Variants in FUT9 observed in about 807,000 individuals in gnomAD.
The protein encoded by FUT9 is 4-galactosyl-N-acetylglucosaminide 3-alpha-L-fucosyltransferase 9.
FUT9 carries 15 observed loss-of-function variants against 29.7 expected under a neutral mutation model. That is an observed-to-expected ratio of 0.51 (90% confidence interval 0.34 to 0.78). The LOEUF is 0.78. FUT9 is among the 30% of genes least tolerant of loss of function. FUT9 has a pLI of 0.01. For synonymous variants in FUT9, 169 were observed against 153.7 expected, an observed-to-expected ratio of 1.10 and a Z score of -0.74; for missense variants, 319 against 425.4, an observed-to-expected ratio of 0.75 and a Z score of 2.20.
intron 1 of FUT9, among the ~76,000 whole-genome samples, chr6:96,080,513 T>C (rs1331492799): frequency 6.6e-6 from 1 of 152,014 alleles, no homozygotes; most frequent in Non-Finnish European, 1.5e-5. Context: ...AAAACTGAAT[T>C]TGAAGTAAGG....
intron 2 of FUT9, among the ~76,000 whole-genome samples, chr6:96,162,529 C>G (rs1772931076): frequency 6.6e-6 from 1 of 152,166 alleles, no homozygotes; most frequent in Non-Finnish European, 1.5e-5. Flanking sequence ...TCTCTAGTAA[C>G]TACTATTCTA....
At chr6:96,122,417 A>T (rs1772046949) in intron 2 of FUT9, among the ~76,000 whole-genome samples, 1 of 152,194 alleles carries the variant, frequency 6.6e-6, no homozygotes, top group Non-Finnish European at 1.5e-5. Flanking sequence ...TTACACAAAC[A>T]TTAAAGCAAT....
rs1309140356 is a variant in FUT9, at chr6:96,203,722, G to A, written c.567G>A (p.Val189=). The A allele has an allele frequency of 1.2e-6, 2 of 1,613,934 alleles. No homozygotes were observed. Among genetic ancestry groups the A allele is most frequent in the Non-Finnish European group, 8.5e-7 (1 of 1,180,022 alleles). Reference sequence around the variant, plus strand: ...AAGTGCCAAGCAAAGAGAAATTGGTGTGCTGGGTTGTGAGTAACTGGAACC... The same window carrying A: ...AAGTGCCAAGCAAAGAGAAATTGGTATGCTGGGTTGTGAGTAACTGGAACC... ...VFEVPSKEKL[V]CWVVSNWNPE... Residue 189 remains valine, a synonymous_variant, in exon 3 of 3, where the codon GTG becomes GTA. Coordinates refer to ENST00000302103, the MANE Select transcript of FUT9 (RefSeq NM_006581.4).
intron 1 of FUT9, among the ~76,000 whole-genome samples, chr6:96,019,711 T>C (rs564902982): frequency 6.6e-6 from 1 of 152,234 alleles, no homozygotes; most frequent in South Asian, 2.1e-4. Flanking sequence ...CTGTGACTGA[T>C]TGTGTAAAAT....
At chr6:96,120,768 T>C (rs1772014213) in intron 2 of FUT9, among the ~76,000 whole-genome samples, 1 of 151,810 alleles carries the variant, frequency 6.6e-6, no homozygotes, top group African/African-American at 2.4e-5. Flanking sequence ...AGAAATCACT[T>C]ATGGGAGATG....
chr6:96,018,108 G>A (rs192461906), intron 1 of FUT9, among the ~76,000 whole-genome samples: 38 of 152,218 alleles, frequency 2.5e-4, no homozygotes, highest in African/African-American at 8.9e-4. Context: ...TGAATAATGA[G>A]TTTATTGTTG....
chr6:96,025,417 A>G (rs1376566777), intron 1 of FUT9, among the ~76,000 whole-genome samples: 1 of 151,788 alleles, frequency 6.6e-6, no homozygotes, highest in Non-Finnish European at 1.5e-5. Context: ...AGTGGCCCAT[A>G]TAATTTGCAA....
chr6:96,113,308 G>A (rs1227492865), intron 1 of FUT9, among the ~76,000 whole-genome samples: 3 of 151,540 alleles, frequency 2.0e-5, no homozygotes, highest in East Asian at 3.9e-4. Context: ...GTGTGATCTC[G>A]GATCATTGCA....
chr6:96,079,710 C>T lies in FUT9; in HGVS notation c.-97-34329C>T, dbSNP rs191714441. 2.0e-5 allele frequency among the ~76,000 whole-genome samples: 3 copies of T among 151,960 alleles called. No homozygotes were observed. In the East Asian group the frequency reaches 5.8e-4, roughly 29 times the overall value. On this transcript the variant is annotated intron_variant, in intron 1 of 2. Coordinates refer to ENST00000302103, the MANE Select transcript of FUT9 (RefSeq NM_006581.4). ...ATGTTTCTAGTGTAAAAAACATCAC[C>T]TCCATCAGAAAAAGCAACATAATCG...
intron 2 of FUT9, among the ~76,000 whole-genome samples, chr6:96,164,351 T>C (rs1009813362): frequency 1.4e-5 from 2 of 143,874 alleles, no homozygotes; most frequent in Non-Finnish European, 3.0e-5. Context: ...CTCCGCCTCC[T>C]GGGTTCACGC....
intron 1 of FUT9, among the ~76,000 whole-genome samples, chr6:96,056,905 C>A (rs562816313): frequency 6.6e-6 from 1 of 152,252 alleles, no homozygotes. Flanking sequence ...AAGGCACATG[C>A]ATTCAGTAGA....
chr6:96,062,803 A>G (rs1201799833), intron 1 of FUT9, among the ~76,000 whole-genome samples: 2 of 152,212 alleles, frequency 1.3e-5, no homozygotes, highest in Non-Finnish European at 2.9e-5. Flanking sequence ...AAAAAAAGAA[A>G]ATCTTAAATT....
chr6:96,110,497 A>C (rs772619739), intron 1 of FUT9, among the ~76,000 whole-genome samples: 1 of 152,146 alleles, frequency 6.6e-6, no homozygotes, highest in Non-Finnish European at 1.5e-5. Flanking sequence ...AAAAACCCTG[A>C]GCATCCCCTC....
At chr6:96,159,840 G>A (rs1317579031) in intron 2 of FUT9, among the ~76,000 whole-genome samples, 1 of 152,158 alleles carries the variant, frequency 6.6e-6, no homozygotes. Context: ...AAACTGTCTT[G>A]ATAAACTGCA....
At chr6:96,092,217 G>A (rs571720587) in intron 1 of FUT9, among the ~76,000 whole-genome samples, 11 of 152,062 alleles carry the variant, frequency 7.2e-5, no homozygotes, top group South Asian at 4.2e-4. Flanking sequence ...CTAAACAGCA[G>A]GTAAAATGAA....
intron 2 of FUT9, among the ~76,000 whole-genome samples, chr6:96,148,610 G>A (rs1269539870): frequency 6.6e-6 from 1 of 152,136 alleles, no homozygotes; most frequent in African/African-American, 2.4e-5. Flanking sequence ...AGTGGCCCTG[G>A]AGAAGCCCAA....
At chr6:96,098,275 T>C (rs1771533875) in intron 1 of FUT9, among the ~76,000 whole-genome samples, 2 of 152,128 alleles carry the variant, frequency 1.3e-5, no homozygotes, top group Non-Finnish European at 2.9e-5. Context: ...CCTCTGACAC[T>C]CAATGTTCTT....
At chr6:96,112,257 C>G (rs2127961143) in intron 1 of FUT9, among the ~76,000 whole-genome samples, 1 of 152,216 alleles carries the variant, frequency 6.6e-6, no homozygotes, top group East Asian at 1.9e-4. Context: ...TAAAACCTAC[C>G]TTACAATAAT....
At position 96,203,701 on chromosome 6, in the gene FUT9, G is replaced by A. The variant is rs1773771458; in HGVS notation, c.546G>A (p.Val182=). Residue 182 remains valine, a synonymous_variant, in exon 3 of 3, where the codon GTG becomes GTA. Transcript: ENST00000302103. ...GCACAAATCCCTTCGTGTTTGAAGT[G>A]CCAAGCAAAGAGAAATTGGTGTGCT... The part of the protein sequence containing the change: ...TVSTNPFVFE[V]PSKEKLVCWV... 2.5e-6 allele frequency: 4 copies of A among 1,613,888 alleles called. No individual in the cohort carries two copies. The highest frequency in any genetic ancestry group is 3.4e-6 in the Non-Finnish European group (4 of 1,180,000).
Sources: gnomAD v4.1 joint callset for allele counts (sites outside exome capture counted in the v4.1 genomes callset) on GRCh38, gnomAD v4.1.1 for gene constraint, MANE v1.5 for transcripts, NCBI Gene and HGNC (gene_info 2026-07-23, HGNC 2026-07-21) for gene names.